The following CAMK2G variants were observed in gnomAD, a reference collection of about 807,000 sequenced individuals.
The protein encoded by CAMK2G is calcium/calmodulin dependent protein kinase II gamma.
A neutral mutation model predicts 88.7 loss-of-function variants in CAMK2G; 23 were observed. The observed-to-expected ratio is 0.26, with a 90% CI of 0.19 to 0.37. The LOEUF (loss-of-function observed/expected upper bound fraction) is 0.37. Among genes scored for constraint, CAMK2G ranks in the 10% least tolerant of loss-of-function variants. The pLI is 1.00. For synonymous variants in CAMK2G, 263 were observed against 294.8 expected, an observed-to-expected ratio of 0.89 and a Z score of 1.11; for missense variants, 476 against 780.8, an observed-to-expected ratio of 0.61 and a Z score of 4.65.
Position 73,847,919 on chromosome 10 carries a change from T to C in CAMK2G, c.696+69A>G, listed in dbSNP as rs923791422. The C allele has an allele frequency of 8.6e-6, 8 of 929,018 alleles. No homozygotes were observed. In the African/African-American group the frequency reaches 1.5e-4, roughly 17 times the overall value. The allele number at this position is 929,018 out of a possible 1,614,324, so 57.5% of individuals were successfully genotyped here. ...TGACACACTAAACAAGCCTGCTCCCTTGGACAGAGCCCGAGGAGCAAGGAC... is the reference window on the plus strand; with the variant it reads ...TGACACACTAAACAAGCCTGCTCCCCTGGACAGAGCCCGAGGAGCAAGGAC... On this transcript the variant is annotated intron_variant, in intron 9 of 22. Transcript: ENST00000423381.
At chr10:73,822,181 T>C (rs946828595) in intron 17 of CAMK2G, among the ~76,000 whole-genome samples, 2 of 152,100 alleles carry the variant, frequency 1.3e-5, no homozygotes, top group Non-Finnish European at 2.9e-5. Context: ...AGTTTTTCTT[T>C]TTTGAAACAG....
Position 73,863,434 on chromosome 10 carries a change from T to G in CAMK2G, c.161-2545A>C, listed in dbSNP as rs142972138. 4.7e-4 allele frequency among the ~76,000 whole-genome samples: 72 copies of G among 152,300 alleles called. 1 individual carries two copies. The East Asian group carries it at 0.013, about 28-fold the overall frequency. ...TGCTTCTTCCAGATCTGGCAGGATG[T>G]TGACATGACCCCACCTTCCTTCCAT... On this transcript the variant is annotated intron_variant, in intron 2 of 22. Transcript: ENST00000423381.
intron 2 of CAMK2G, among the ~76,000 whole-genome samples, chr10:73,864,582 A>T (rs1272515217): frequency 6.6e-6 from 1 of 152,224 alleles, no homozygotes; most frequent in Non-Finnish European, 1.5e-5. Context: ...GACCCAAAGT[A>T]GGTGAGACAG....
intron 13 of CAMK2G, 90 bp from the exon 14 acceptor site, chr10:73,837,601 T>A: frequency 3.8e-6 from 4 of 1,064,402 alleles, no homozygotes; most frequent in Non-Finnish European, 4.4e-6. Context: ...GAGAGTGCTG[T>A]GTCTGACAAG....
chr10:73,848,497 GA>G lies in CAMK2G; in HGVS notation c.601+28del. ...TCGGAAGTTGAGGGCCCTTAACAGC[GA>G]AAAGCTGAGAGCGTGGAATGGGCTT... On this transcript the variant is annotated intron_variant, in intron 8 of 22. Transcript: ENST00000423381. This position sits in a 1 kb window ranked among gnomAD's most constrained non-coding sequence, Gnocchi z 4.5. 6.6e-7 allele frequency: 1 copy of G among 1,514,348 alleles called. No individual in the cohort carries two copies. The highest frequency in any genetic ancestry group is 1.7e-5 in the Admixed American group (1 of 59,474). The allele number at this position is 1,514,348 out of a possible 1,614,324, so 93.8% of individuals were successfully genotyped here. A position where few individuals can be genotyped will look rare whatever the true frequency, so the allele number is the denominator to read the frequency against.
intron 10 of CAMK2G, among the ~76,000 whole-genome samples, chr10:73,844,951 C>T (rs1051735897): frequency 2.0e-5 from 3 of 152,174 alleles, no homozygotes; most frequent in African/African-American, 7.2e-5. Context: ...CTGAGACCCC[C>T]TGTTTCTTAG....
At position 73,839,696 on chromosome 10, in the gene CAMK2G, C is replaced by T. The variant is rs1297323275; in HGVS notation, c.947-95G>A. ...CCAGCGCGAGGCGCAGCCCAGGCGG[C>T]GTGGCCAAGCCAGCCGAGCTGGGGG... is the stretch of plus-strand genomic sequence containing the variant. On this transcript the variant is annotated intron_variant, in intron 12 of 22. Transcript: ENST00000423381. This position sits in a 1 kb window ranked among gnomAD's most constrained non-coding sequence, Gnocchi z 4.2. 15 of 760,258 alleles carry T rather than the reference C, an allele frequency of 2.0e-5. No individual in the cohort carries two copies. The highest frequency in any genetic ancestry group is 6.7e-5 in the South Asian group (1 of 14,962). The allele number at this position is 760,258 out of a possible 1,614,324, so 47.1% of individuals were successfully genotyped here.
intron 14 of CAMK2G, 77 bp downstream of exon 14, chr10:73,837,391 G>A: frequency 8.9e-7 from 1 of 1,122,060 alleles, no homozygotes; most frequent in Non-Finnish European, 1.4e-6. Context: ...TGGGAAAGGG[G>A]GAACCAGGTG....
intron 2 of CAMK2G, among the ~76,000 whole-genome samples, chr10:73,866,466 A>G (rs1026166666): frequency 1.4e-5 from 2 of 146,816 alleles, no homozygotes; most frequent in Admixed American, 1.4e-4. Flanking sequence ...ACATTTTCCT[A>G]AAAAAAAAAC....
rs2095891283 is a variant in CAMK2G at position 73,873,032 on chromosome 10, C to A, written c.117G>T (p.Glu39Asp). ...RRCVKKTSTQ[E>D]YAAKIINTKK... ...TGGTATTGATGATTTTTGCTGCGTA[C>A]TCCTGCGTGGAGGTTTTCTTCACAC... Residue 39 changes from glutamate (E) to aspartate (D), a missense_variant, in exon 2 of 23, where the codon GAG becomes GAT. Glu to Asp is a conservative substitution (Grantham distance 45, BLOSUM62 2). This residue lies in a region of CAMK2G where 164 missense variants were observed against 385.6 expected (regional missense o/e 0.43). Transcript: ENST00000423381. 6.2e-7 allele frequency: 1 copy of A among 1,613,670 alleles called. No homozygotes were observed. The highest frequency in any genetic ancestry group is 8.5e-7 in the Non-Finnish European group (1 of 1,179,728).
intron 19 of CAMK2G, 100 bp downstream of exon 19, chr10:73,819,432 C>T (rs1179984194): frequency 7.3e-6 from 6 of 816,470 alleles, no homozygotes; most frequent in South Asian, 3.0e-5. Flanking sequence ...CTTACTACCA[C>T]GGGCAGGTGG....
At position 73,816,091 on chromosome 10, in the gene CAMK2G, G is replaced by A. The variant is rs137865793; in HGVS notation, c.1535-844C>T. The A allele has an allele frequency of 1.1e-3, 1,039 of 985,532 alleles. 10 individuals are homozygous for A. The African/African-American group carries it at 0.017, about 16-fold the overall frequency. 61.0% of individuals were successfully genotyped at this position (985,532 alleles called of 1,614,324 possible). A position where few individuals can be genotyped will look rare whatever the true frequency, so the allele number is the denominator to read the frequency against. ...CTAACTATAACTCAGGGCAGGATAG[G>A]GAAGGCCCAGCATAAAGTGGGAAGA... On this transcript the variant is annotated intron_variant, in intron 21 of 22. Coordinates refer to ENST00000423381, the MANE Select transcript of CAMK2G (RefSeq NM_001367534.1).
At chr10:73,873,220 G>A (rs1158711045) in intron 1 of CAMK2G, 137 bp from the exon 2 acceptor site, 2 of 977,110 alleles carry the variant, frequency 2.0e-6, no homozygotes, top group African/African-American at 1.6e-5. Context: ...CACCGGCGCT[G>A]TGACCACCAC....
chr10:73,869,160 G>T (rs1003319488), intron 2 of CAMK2G, among the ~76,000 whole-genome samples: 1 of 152,226 alleles, frequency 6.6e-6, no homozygotes, highest in Non-Finnish European at 1.5e-5. Flanking sequence ...ATTCACTGGA[G>T]CATGTGTTAA....
At chr10:73,847,521 ACT>A (rs2094334911) in intron 9 of CAMK2G, among the ~76,000 whole-genome samples, 174 bp from the exon 10 acceptor site, 1 of 152,188 alleles carries the variant, frequency 6.6e-6, no homozygotes, top group Non-Finnish European at 1.5e-5. Flanking sequence ...CAACTTAAAG[ACT>A]TGGAAAGACA....
At chr10:73,830,454 T>C (rs980082562) in intron 14 of CAMK2G, among the ~76,000 whole-genome samples, 2 of 152,242 alleles carry the variant, frequency 1.3e-5, no homozygotes, top group African/African-American at 4.8e-5. Flanking sequence ...AGATGATTTC[T>C]AAAGAATCAT....
chr10:73,862,268 G>T (rs1169471336), intron 2 of CAMK2G, among the ~76,000 whole-genome samples: 2 of 139,822 alleles, frequency 1.4e-5, no homozygotes, highest in Non-Finnish European at 3.0e-5. Context: ...TGCTCCTCTC[G>T]GTAGACTGTG....
chr10:73,853,408 A>G (rs1228429193), intron 3 of CAMK2G, among the ~76,000 whole-genome samples, 162 bp from the exon 4 acceptor site: 10 of 152,332 alleles, frequency 6.6e-5, no homozygotes, highest in African/African-American at 2.4e-4. Flanking sequence ...CCCCCAGTGC[A>G]AGGCTATGCA....
intron 2 of CAMK2G, among the ~76,000 whole-genome samples, chr10:73,865,504 T>A (rs145309868): frequency 0.01 from 1,584 of 152,238 alleles, 21 homozygotes; most frequent in East Asian, 0.053. Context: ...TCCTGTCTCT[T>A]CCCCTGACAC....
Sources: allele counts gnomAD v4.1 joint callset (sites outside exome capture counted in the v4.1 genomes callset), GRCh38; gene constraint gnomAD v4.1.1; regional missense constraint gnomAD v4.1.1; non-coding constraint Gnocchi (gnomAD v3.1); transcripts MANE v1.5; gene names NCBI Gene and HGNC (gene_info 2026-07-23, HGNC 2026-07-21).